Variants in SLC39A12 observed in about 807,000 individuals in gnomAD.
SLC39A12 encodes the protein zinc transporter ZIP12.
A neutral mutation model predicts 71.1 loss-of-function variants in SLC39A12; 63 were observed. That is an observed-to-expected ratio of 0.89 (90% CI 0.72 to 1.09). SLC39A12 has a LOEUF of 1.09. Ranked by LOEUF, SLC39A12 falls within the 50% of genes least tolerant of loss-of-function variation. SLC39A12 has a pLI of 0.00. For synonymous variants in SLC39A12, 351 were observed against 301.3 expected, an observed-to-expected ratio of 1.16 and a Z score of -1.71; for missense variants, 892 against 812.6, an observed-to-expected ratio of 1.10 and a Z score of -1.19.
At chr10:18,003,415 G>GA (rs769955497) in intron 12 of SLC39A12, 57 bp downstream of exon 12, 193 of 1,436,790 alleles carry the variant, frequency 1.3e-4, no homozygotes, top group East Asian at 5.8e-4. Flanking sequence ...GTAAAACAGA[G>GA]AAAAAAAACA....
At chr10:17,956,761 C>G (rs1834559902) in intron 2 of SLC39A12, among the ~76,000 whole-genome samples, 1 of 152,222 alleles carries the variant, frequency 6.6e-6, no homozygotes, top group African/African-American at 2.4e-5. Context: ...TCACACCTGG[C>G]CCTAGCCCCT....
At chr10:18,039,215 T>TGAGGAG (rs775579443) in intron 12 of SLC39A12, among the ~76,000 whole-genome samples, 4 of 151,426 alleles carry the variant, frequency 2.6e-5, no homozygotes, top group Non-Finnish European at 5.9e-5. Flanking sequence ...GTTTGAAAAA[T>TGAGGAG]GAGGAGGAGG....
At chr10:18,039,591 G>C (rs1013461269) in intron 12 of SLC39A12, among the ~76,000 whole-genome samples, 3 of 152,034 alleles carry the variant, frequency 2.0e-5, no homozygotes, top group African/African-American at 7.2e-5. Context: ...AGCTGGGTAG[G>C]GTAGTATGCA....
At chr10:17,997,047 A>G (rs1226001051) in intron 10 of SLC39A12, among the ~76,000 whole-genome samples, 1 of 151,560 alleles carries the variant, frequency 6.6e-6, no homozygotes, top group East Asian at 1.9e-4. Context: ...AGAAAAAGAA[A>G]AAAGAAAAAG....
At chr10:18,022,470 G>T (rs967848581) in intron 12 of SLC39A12, among the ~76,000 whole-genome samples, 2 of 151,994 alleles carry the variant, frequency 1.3e-5, no homozygotes, top group African/African-American at 4.8e-5. Context: ...GAGTTTTTCA[G>T]TTCTATCAGC....
chr10:17,995,723 G>GT lies in SLC39A12; in HGVS notation c.1600+2dup. On this transcript the variant is annotated splice_donor_variant, in intron 10 of 12. Coordinates refer to ENST00000377369, the MANE Select transcript of SLC39A12 (RefSeq NM_001145195.2). LOFTEE classifies it high-confidence loss of function. ...AGTATGACAGCCTCCAACAGAAAAT[G>GT]TGAGTACCAAGCTAAACTTTACATG... 6.2e-7 allele frequency: 1 copy of GT among 1,612,220 alleles called. No homozygotes were observed. Among genetic ancestry groups the GT allele is most frequent in the East Asian group, 2.2e-5 (1 of 44,848 alleles).
rs994466090 is a variant in SLC39A12 at position 17,991,197 on chromosome 10, A to T, written c.1316A>T (p.His439Leu). 5 of 1,579,444 alleles carry T rather than the reference A, an allele frequency of 3.2e-6. No individual in the cohort carries two copies. The highest frequency in any genetic ancestry group is 3.4e-6 in the Non-Finnish European group (4 of 1,167,670). Residue 439 changes from histidine to leucine, a missense_variant, in exon 8 of 13, where the codon CAT becomes CTT. By Grantham distance (99) the His-to-Leu change is moderately conservative (BLOSUM62 -3). Transcript: ENST00000377369. ...KQEAPEFGHF[H>L]ESKGHIWKLM... ...GAAGCCCCAGAATTTGGGCATTTCC[A>T]TGAAAGCAAAGGTCATATTTGGAAA...
chr10:17,966,973 C>CA (rs375769208), intron 4 of SLC39A12, among the ~76,000 whole-genome samples: 2,089 of 133,394 alleles, frequency 0.016, 37 homozygotes, highest in African/African-American at 0.049. Flanking sequence ...GATTCCATCT[C>CA]AAAAAAAAAA....
At chr10:18,028,237 A>T (rs1836732951) in intron 12 of SLC39A12, among the ~76,000 whole-genome samples, 1 of 152,252 alleles carries the variant, frequency 6.6e-6, no homozygotes, top group African/African-American at 2.4e-5. Context: ...TCTAAATGTC[A>T]TCAGTAAATG....
intron 12 of SLC39A12, among the ~76,000 whole-genome samples, chr10:18,041,854 T>C (rs1274204370): frequency 6.7e-6 from 1 of 148,400 alleles, no homozygotes; most frequent in East Asian, 2.0e-4. Flanking sequence ...CGTATATATA[T>C]GTACATACAT....
intron 6 of SLC39A12, 80 bp from the exon 7 acceptor site, chr10:17,987,399 T>C (rs1835425456): frequency 1.5e-6 from 2 of 1,350,000 alleles, no homozygotes; most frequent in African/African-American, 1.4e-5. Context: ...GTAAGACCAA[T>C]TCTTCTGGCA....
At chr10:17,975,088 C>T (rs1021513908) in intron 4 of SLC39A12, among the ~76,000 whole-genome samples, 2 of 152,194 alleles carry the variant, frequency 1.3e-5, no homozygotes, top group African/African-American at 4.8e-5. Flanking sequence ...TGCCAATGTT[C>T]CCTTAAGGCC....
chr10:17,993,323 C>A, intron 9 of SLC39A12, 32 bp downstream of exon 9: 1 of 1,345,668 alleles, frequency 7.4e-7, no homozygotes, highest in Non-Finnish European at 1.0e-6. Context: ...TTCTACTGAT[C>A]TGATTACCTT....
chr10:17,953,689 G>A (rs1010173046), intron 2 of SLC39A12, 152 bp downstream of exon 2: 1 of 1,017,384 alleles, frequency 9.8e-7, no homozygotes, highest in African/African-American at 1.6e-5. Flanking sequence ...TCCATATTTG[G>A]GATACAGCAA....
At chr10:18,010,337 C>A (rs969473897) in intron 12 of SLC39A12, among the ~76,000 whole-genome samples, 4 of 152,156 alleles carry the variant, frequency 2.6e-5, no homozygotes, top group African/African-American at 9.7e-5. Context: ...TATGAAGTAA[C>A]CTTGATATAC....
chr10:17,965,618 T>G lies in SLC39A12; in HGVS notation c.679T>G (p.Leu227Val). 6.2e-7 allele frequency: 1 copy of G among 1,614,198 alleles called. No homozygotes were observed. The highest frequency in any genetic ancestry group is 8.5e-7 in the Non-Finnish European group (1 of 1,180,014). Reference sequence around the variant, plus strand: ...GGGTGTTTGTCTGGGACAAGGAAACTTGCCTTCCCCAGACTACTTTACAGA... The same window carrying G: ...GGGTGTTTGTCTGGGACAAGGAAACGTGCCTTCCCCAGACTACTTTACAGA... The part of the protein sequence containing the change: ...LQGVCLGQGN[L>V]PSPDYFTEYI... Residue 227 changes from leucine to valine, a missense_variant, in exon 4 of 13, where the codon TTG becomes GTG. Transcript: ENST00000377369.
intron 12 of SLC39A12, 80 bp from the exon 13 acceptor site, chr10:18,042,625 T>C: frequency 7.1e-7 from 1 of 1,408,870 alleles, no homozygotes; most frequent in Non-Finnish European, 9.5e-7. Flanking sequence ...TGAATAACAG[T>C]CGCTCATGTT....
chr10:17,973,720 G>C (rs1348377754), intron 4 of SLC39A12, among the ~76,000 whole-genome samples: 4 of 151,960 alleles, frequency 2.6e-5, no homozygotes, highest in Non-Finnish European at 5.9e-5. Flanking sequence ...AGTCGTCTTT[G>C]GGTCAAATCT....
intron 4 of SLC39A12, among the ~76,000 whole-genome samples, chr10:17,967,699 C>T (rs991996217): frequency 1.8e-4 from 28 of 151,534 alleles, no homozygotes; most frequent in Non-Finnish European, 2.7e-4. Flanking sequence ...CTGGCTAACA[C>T]GGTGAAACCC....
Sources: gnomAD v4.1 joint callset for allele counts (sites outside exome capture counted in the v4.1 genomes callset) on GRCh38, gnomAD v4.1.1 for gene constraint, MANE v1.5 for transcripts, NCBI Gene and HGNC (gene_info 2026-07-23, HGNC 2026-07-21) for gene names.